HECW2: variants seen among roughly 807,000 people sequenced by gnomAD.
HECW2 encodes E3 ubiquitin-protein ligase HECW2.
HECW2 carries 61 observed loss-of-function variants against 175.2 expected under a neutral mutation model. The ratio of observed to expected loss-of-function variants is 0.35; its 90% confidence interval spans 0.28 to 0.43. HECW2 has a LOEUF of 0.43. Among genes scored for constraint, HECW2 ranks in the 20% least tolerant of loss-of-function variants. HECW2 has a pLI of 1.00. For synonymous variants in HECW2, 671 were observed against 731.0 expected (o/e 0.92, Z 1.32); for missense variants, 1,524 against 2,000.5 (o/e 0.76, Z 4.54).
At chr2:196,480,453 C>T (rs2125370601) in intron 1 of HECW2, among the ~76,000 whole-genome samples, 1 of 152,242 alleles carries the variant, frequency 6.6e-6, no homozygotes, top group Non-Finnish European at 1.5e-5. Flanking sequence ...CCTCAAGGCC[C>T]CAAGGGTAGA....
At chr2:196,341,822 G>C (rs73988181) in intron 3 of HECW2, among the ~76,000 whole-genome samples, 34,096 of 152,174 alleles carry the variant, frequency 0.22, 4,535 homozygotes, top group African/African-American at 0.37. Context: ...TACTAGTAAG[G>C]ATGGTAAAAG....
At chr2:196,358,380 C>G (rs1383709690) in intron 2 of HECW2, among the ~76,000 whole-genome samples, 1 of 151,624 alleles carries the variant, frequency 6.6e-6, no homozygotes, top group Non-Finnish European at 1.5e-5. Flanking sequence ...TCGAGATCGG[C>G]CTGACCAACA....
chr2:196,519,767 A>G (rs577641238), intron 1 of HECW2, among the ~76,000 whole-genome samples: 6 of 152,338 alleles, frequency 3.9e-5, no homozygotes, highest in African/African-American at 1.2e-4. Context: ...GTGTAATGGC[A>G]CTTACATTAC....
In HECW2 at chr2:196,197,367, T is replaced by G; in HGVS notation, c.*3910A>C. ...TAGGGCTTACTAGATCCATCCCTAT[T>G]AAAAATTTAAAAATAAAATAAGGCT... On this transcript the variant is annotated 3_prime_UTR_variant, in exon 29 of 29. Transcript: ENST00000644978. 1 of 150,942 alleles carries G rather than the reference T, an allele frequency of 6.6e-6. No homozygotes were observed. Among genetic ancestry groups the G allele is most frequent in the East Asian group, 1.9e-4 (1 of 5,164 alleles). 9.4% of individuals were successfully genotyped at this position (150,942 alleles called of 1,614,324 possible).
intron 15 of HECW2, among the ~76,000 whole-genome samples, chr2:196,278,133 A>ATATATATATATATATATCTATATAT (rs1553489735): frequency 1.5e-5 from 1 of 66,552 alleles, no homozygotes; most frequent in Non-Finnish European, 3.3e-5. Context: ...ATAATTAAAA[A>ATATATATATATATATATCTATATAT]ATATATATAT....
At chr2:196,466,065 T>C (rs1252762451) in intron 1 of HECW2, among the ~76,000 whole-genome samples, 16 of 152,222 alleles carry the variant, frequency 1.1e-4, no homozygotes, top group Admixed American at 1.0e-3. Context: ...AACGACCATA[T>C]TTACCTAATG....
chr2:196,440,401 T>C (rs1490495733), intron 1 of HECW2, among the ~76,000 whole-genome samples: 1 of 152,172 alleles, frequency 6.6e-6, no homozygotes, highest in African/African-American at 2.4e-5. Flanking sequence ...TTTTCCCTTA[T>C]AGGAAATGTA....
rs534802876 is a variant in HECW2, at chr2:196,331,257, A to G, written c.496-1607T>C. The G allele has an allele frequency of 2.7e-5, 27 of 984,764 alleles. 1 individual carries two copies. In the African/African-American group the frequency reaches 4.2e-4, roughly 15 times the overall value. 61.0% of individuals were successfully genotyped at this position (984,764 alleles called of 1,614,324 possible). On this transcript the variant is annotated intron_variant, in intron 4 of 28. Transcript: ENST00000644978. ...GGCTCTCAACAAACATGTGTGGTTT[A>G]TTATATTGTATTGTACTCCTCTGAC...
At chr2:196,355,061 T>C (rs1158368674) in intron 2 of HECW2, among the ~76,000 whole-genome samples, 1 of 152,230 alleles carries the variant, frequency 6.6e-6, no homozygotes, top group East Asian at 1.9e-4. Flanking sequence ...TACTAAAGGC[T>C]TACTTACATC....
At chr2:196,317,911 C>T (rs1180917474) in intron 9 of HECW2, among the ~76,000 whole-genome samples, 2 of 152,158 alleles carry the variant, frequency 1.3e-5, no homozygotes, top group African/African-American at 4.8e-5. Context: ...AAATTTGTGT[C>T]CTTGGATACA....
intron 9 of HECW2, 114 bp downstream of exon 9, chr2:196,318,438 G>A (rs545941867): frequency 1.5e-4 from 189 of 1,231,158 alleles, no homozygotes; most frequent in Non-Finnish European, 1.9e-4. Flanking sequence ...CTCAAGGTGA[G>A]GAATTCAGGT....
chr2:196,516,535 G>C (rs944223131), intron 1 of HECW2, among the ~76,000 whole-genome samples: 1 of 152,118 alleles, frequency 6.6e-6, no homozygotes, highest in Admixed American at 6.5e-5. Context: ...TAAAAAGTCT[G>C]GGTTTATATT....
At chr2:196,335,242 A>G (rs891163926) in intron 3 of HECW2, among the ~76,000 whole-genome samples, 21 of 152,340 alleles carry the variant, frequency 1.4e-4, no homozygotes, top group Admixed American at 3.9e-4. Context: ...TTCCACTTTG[A>G]TAGAAAGTAA....
chr2:196,570,668 T>C (rs1232385999), intron 1 of HECW2, among the ~76,000 whole-genome samples: 6 of 152,250 alleles, frequency 3.9e-5, no homozygotes, highest in Non-Finnish European at 8.8e-5. Context: ...AACCTGCATG[T>C]TGTGCACATG....
intron 1 of HECW2, among the ~76,000 whole-genome samples, chr2:196,548,261 T>C (rs1381726180): frequency 2.1e-5 from 3 of 140,804 alleles, no homozygotes; most frequent in African/African-American, 8.0e-5. Flanking sequence ...ATCGGGGAGG[T>C]GGAGGTTGCA....
intron 2 of HECW2, among the ~76,000 whole-genome samples, chr2:196,412,353 C>A (rs1045919030): frequency 1.3e-5 from 2 of 152,182 alleles, no homozygotes; most frequent in Non-Finnish European, 2.9e-5. Flanking sequence ...TGAATTAAGG[C>A]CCACCCTAAT....
In HECW2 at chr2:196,319,746, G is replaced by A; in HGVS notation, c.1144C>T (p.Pro382Ser). 1 of 1,614,094 alleles carries A rather than the reference G, an allele frequency of 6.2e-7. No individual in the cohort carries two copies. The highest frequency in any genetic ancestry group is 8.5e-7 in the Non-Finnish European group (1 of 1,180,014). The change falls in exon 9 of 29, where the codon CCC becomes TCC. Residue 382 changes from proline to serine, a missense_variant. By Grantham distance (74) the Pro-to-Ser change is moderately conservative. Transcript: ENST00000644978. ...GAGCTAGTCCTGAATGAATGCTTGGGGGTTCCATCGGCAGCACTGTCCTCA... is the reference window on the plus strand; with the variant it reads ...GAGCTAGTCCTGAATGAATGCTTGGAGGTTCCATCGGCAGCACTGTCCTCA... ...VSEDSAADGT[P>S]KHSFRTSSTL...
intron 19 of HECW2, among the ~76,000 whole-genome samples, chr2:196,246,175 T>C (rs1688635628): frequency 6.6e-6 from 1 of 152,122 alleles, no homozygotes; most frequent in South Asian, 2.1e-4. Flanking sequence ...GCTGCTCTCC[T>C]AGATGAATGA....
intron 2 of HECW2, among the ~76,000 whole-genome samples, chr2:196,388,906 G>C (rs1370228977): frequency 6.6e-6 from 1 of 152,200 alleles, no homozygotes; most frequent in East Asian, 1.9e-4. Flanking sequence ...AACTTTTGCT[G>C]ACGGGGAAGA....
Sources: allele counts gnomAD v4.1 joint callset (sites outside exome capture counted in the v4.1 genomes callset), GRCh38; gene constraint gnomAD v4.1.1; transcripts MANE v1.5; gene names NCBI Gene and HGNC (gene_info 2026-07-23, HGNC 2026-07-21).